NDUFAF7: variants seen among roughly 807,000 people sequenced by gnomAD.
NDUFAF7 encodes the protein protein arginine methyltransferase NDUFAF7, mitochondrial.
A neutral mutation model predicts 47.2 loss-of-function variants in NDUFAF7; 48 were observed. The ratio of observed to expected loss-of-function variants is 1.02; its 90% CI spans 0.81 to 1.29. The LOEUF is 1.29. Ranked by LOEUF, NDUFAF7 falls within the 50% of genes most tolerant of loss-of-function variation. NDUFAF7 has a pLI of 0.00. For synonymous variants in NDUFAF7, 217 were observed against 190.0 expected (o/e 1.14, Z -1.17); for missense variants, 635 against 537.6 (o/e 1.18, Z -1.79).
At chr2:37,232,052 G>T in intron 1 of NDUFAF7, 54 bp from the exon 2 acceptor site, 1 of 1,613,620 alleles carries the variant, frequency 6.2e-7, no homozygotes, top group Non-Finnish European at 8.5e-7. Context: ...GGCGGCTTGC[G>T]CTCGTGAATG....
chr2:37,236,036 T>C, intron 2 of NDUFAF7, 60 bp from the exon 3 acceptor site: 2 of 1,310,698 alleles, frequency 1.5e-6, no homozygotes, highest in South Asian at 2.4e-5. Context: ...TTTGGAGGGG[T>C]ATTTTTAAAA....
the NDUFAF7 span, among the ~76,000 whole-genome samples, chr2:37,262,807 G>GT: frequency 1.2e-3 from 182 of 151,962 alleles, 1 homozygote; most frequent in Admixed American, 3.2e-3. Flanking sequence ...GTATGTTTTA[G>GT]TAAGTTATAC....
chr2:37,248,693 T>G lies in NDUFAF7; in HGVS notation c.*343T>G, dbSNP rs752001559. On this transcript the variant is annotated 3_prime_UTR_variant, in exon 10 of 10. Coordinates refer to ENST00000002125, the MANE Select transcript of NDUFAF7 (RefSeq NM_144736.5). ...ACTTTGGGAGGCTGAGGTGGGCATA[T>G]CACCTGAGGTCAGCAGTTAAAGACC... 3.2e-4 allele frequency: 109 copies of G among 337,408 alleles called. No individual in the cohort carries two copies. The highest frequency in any genetic ancestry group is 5.7e-4 in the Admixed American group (14 of 24,712). The allele number at this position is 337,408 out of a possible 1,614,324, so 20.9% of individuals were successfully genotyped here.
chr2:37,241,324 C>A (rs1471844066), intron 4 of NDUFAF7, among the ~76,000 whole-genome samples: 3 of 152,062 alleles, frequency 2.0e-5, no homozygotes, highest in African/African-American at 7.2e-5. Context: ...GATGCCAAAT[C>A]TTTTATTTTC....
At chr2:37,261,224 C>T in the NDUFAF7 span, among the ~76,000 whole-genome samples, 85 of 152,138 alleles carry the variant, frequency 5.6e-4, no homozygotes, top group Admixed American at 2.4e-3. Context: ...TGGTGGCTCA[C>T]GCCTGTAATC....
At chr2:37,256,653 TTTTTTTACCTTCACCAGAAA>T, downstream of NDUFAF7, 1 of 1,404,694 alleles carries the variant, frequency 7.1e-7, no homozygotes, top group Non-Finnish European at 9.3e-7. Context: ...TTTTTTTTTT[TTTTTTTACCTTCACCAGAAA>T]TTTCTCTCCA....
the NDUFAF7 span, among the ~76,000 whole-genome samples, chr2:37,261,037 T>C: frequency 6.6e-6 from 1 of 152,218 alleles, no homozygotes; most frequent in Admixed American, 6.5e-5. Context: ...TCAGCCTTGC[T>C]CAAACACCTT....
chr2:37,241,936 A>G lies in NDUFAF7; in HGVS notation c.622+145A>G. 6.0e-6 allele frequency: 4 copies of G among 661,922 alleles called. No homozygotes were observed. The South Asian group carries it at 8.1e-5, about 13-fold the overall frequency. 41.0% of individuals were successfully genotyped at this position (661,922 alleles called of 1,614,324 possible). On this transcript the variant is annotated intron_variant, in intron 5 of 9. Coordinates refer to ENST00000002125, the MANE Select transcript of NDUFAF7 (RefSeq NM_144736.5). ...CATAGAGAGTAGCCTACTTTTTTCT[A>G]GAAAAGAGCATCTTAATAGAAAATA... is the stretch of plus-strand genomic sequence containing the variant.
intron 1 of NDUFAF7, 158 bp downstream of exon 1, chr2:37,231,918 A>C: frequency 1.3e-6 from 2 of 1,590,756 alleles, no homozygotes; most frequent in Non-Finnish European, 1.7e-6. Flanking sequence ...CAAACGCAAT[A>C]GGGCTGCGTA....
Position 37,247,443 on chromosome 2 carries a change from C to G in NDUFAF7, c.937-13C>G. 4.3e-6 allele frequency: 7 copies of G among 1,613,368 alleles called. No homozygotes were observed. Among genetic ancestry groups the G allele is most frequent in the Non-Finnish European group, 5.9e-6 (7 of 1,179,532 alleles). ...CCATAAAAGGGCAAAAATCTGATTT[C>G]TTTATGTTCAAGGGGTTTTGCGACC... On this transcript the variant is annotated splice_polypyrimidine_tract_variant and intron_variant, in intron 8 of 9. Coordinates refer to ENST00000002125, the MANE Select transcript of NDUFAF7 (RefSeq NM_144736.5).
chr2:37,264,197 G>A, the NDUFAF7 span, among the ~76,000 whole-genome samples: 1 of 152,090 alleles, frequency 6.6e-6, no homozygotes, highest in African/African-American at 2.4e-5. Flanking sequence ...CTGTGTAACT[G>A]TATATAGACA....
chr2:37,260,558 AGTT>A, the NDUFAF7 span, among the ~76,000 whole-genome samples: 2 of 152,242 alleles, frequency 1.3e-5, no homozygotes, highest in Admixed American at 1.3e-4. Context: ...TAATTCTCCA[AGTT>A]GTGTACTGGA....
At chr2:37,245,770 A>G (rs1350535855) in intron 7 of NDUFAF7, among the ~76,000 whole-genome samples, 3 of 152,230 alleles carry the variant, frequency 2.0e-5, no homozygotes, top group Non-Finnish European at 4.4e-5. Flanking sequence ...ACATTAAATG[A>G]TAATGCTCTA....
intron 8 of NDUFAF7, 175 bp from the exon 9 acceptor site, chr2:37,247,270 CTGATGCATGGT>C (rs1667029662): frequency 1.5e-6 from 1 of 667,532 alleles, no homozygotes; most frequent in Non-Finnish European, 2.6e-6. Flanking sequence ...TCAGGTGATT[CTGATGCATGGT>C]TGATGCATAT....
chr2:37,231,821 G>A (rs1392394197), intron 1 of NDUFAF7, 61 bp downstream of exon 1: 1 of 1,609,408 alleles, frequency 6.2e-7, no homozygotes, highest in Non-Finnish European at 8.5e-7. Flanking sequence ...GCCTTCCTCA[G>A]CTCTTCAGTT....
At chr2:37,257,352 T>C (rs561978723), downstream of NDUFAF7, among the ~76,000 whole-genome samples, 5 of 152,162 alleles carry the variant, frequency 3.3e-5, no homozygotes, top group African/African-American at 9.6e-5. Flanking sequence ...AGGTACTCAA[T>C]GTTTGCTGAA....
At chr2:37,253,420 TG>T, downstream of NDUFAF7, 1 of 1,374,844 alleles carries the variant, frequency 7.3e-7, no homozygotes, top group Non-Finnish European at 9.8e-7. Context: ...TTTTGTTTTG[TG>T]TTTTTTTTTG....
chr2:37,254,408 C>T (rs979730581), downstream of NDUFAF7: 5 of 702,868 alleles, frequency 7.1e-6, no homozygotes, highest in Admixed American at 4.8e-5. Context: ...TTTTGCTTCT[C>T]AAGGACGTGG....
At chr2:37,238,905 C>CAAAAAAAAAA (rs35512230) in intron 4 of NDUFAF7, among the ~76,000 whole-genome samples, 1 of 93,070 alleles carries the variant, frequency 1.1e-5, no homozygotes, top group Non-Finnish European at 2.1e-5. Flanking sequence ...GCTAAAAAAG[C>CAAAAAAAAAA]AAAAAAAAAA....
Sources: gnomAD v4.1 joint callset for allele counts (sites outside exome capture counted in the v4.1 genomes callset) on GRCh38, gnomAD v4.1.1 for gene constraint, MANE v1.5 for transcripts, NCBI Gene and HGNC (gene_info 2026-07-23, HGNC 2026-07-21) for gene names.